The following RRP1B variants were observed in gnomAD, a reference collection of about 807,000 sequenced individuals.
RRP1B encodes the protein ribosomal RNA processing 1B.
Under a neutral mutation model 80.2 loss-of-function variants are expected in RRP1B, and 56 were observed. The ratio of observed to expected loss-of-function variants is 0.70; its 90% CI spans 0.56 to 0.87. The LOEUF is 0.87. Ranked by LOEUF, RRP1B falls within the 40% of genes least tolerant of loss-of-function variation. The pLI, the probability that RRP1B is intolerant of heterozygous loss-of-function variation, is 0.00. For synonymous variants in RRP1B, 351 were observed against 357.6 expected (o/e 0.98, Z 0.21); for missense variants, 807 against 939.8 (o/e 0.86, Z 1.85).
At chr21:43,683,252 A>G (rs778658142) in intron 8 of RRP1B, 27 bp from the exon 9 acceptor site, 5 of 1,560,978 alleles carry the variant, frequency 3.2e-6, no homozygotes, top group Non-Finnish European at 4.4e-6. Context: ...TATGTCAATA[A>G]TTTGGTCTTT....
At chr21:43,684,523 G>C in intron 9 of RRP1B, 30 bp from the exon 10 acceptor site, 1 of 1,595,296 alleles carries the variant, frequency 6.3e-7, no homozygotes, top group Non-Finnish European at 8.6e-7. Flanking sequence ...TTTGGCTGCA[G>C]ACTTATGTTT....
Position 43,687,018 on chromosome 21 carries a change from C to T in RRP1B, c.1141+83C>T, listed in dbSNP as rs2083065805. On this transcript the variant is annotated intron_variant, in intron 12 of 15. Coordinates refer to ENST00000340648, the MANE Select transcript of RRP1B (RefSeq NM_015056.3). The stretch of plus-strand genomic sequence containing the variant: ...CATGGAGGCCTCGGAGACTTGAGCT[C>T]GTGCCGTCATAAAGCATTAGCAGAG... The T allele has an allele frequency of 6.9e-6, 10 of 1,450,234 alleles. No homozygotes were observed. In the South Asian group the frequency reaches 8.5e-5, roughly 12 times the overall value. 89.8% of individuals were successfully genotyped at this position (1,450,234 alleles called of 1,614,324 possible). A position where few individuals can be genotyped will look rare whatever the true frequency, so the allele number is the denominator to read the frequency against.
In RRP1B at chr21:43,694,706, GT is replaced by G; in HGVS notation, c.*1328del. Reference sequence around the variant, plus strand: ...TTATGCCCCCCATACAGGAGCCTCGGTTTTTCAGCAAAACGCGGCCAGTCCC... The same window carrying G: ...TTATGCCCCCCATACAGGAGCCTCGGTTTTCAGCAAAACGCGGCCAGTCCC... On this transcript the variant is annotated 3_prime_UTR_variant, in exon 16 of 16. Transcript: ENST00000340648. The G allele has an allele frequency of 6.6e-6, 1 of 152,440 alleles. No individual in the cohort carries two copies. The highest frequency in any genetic ancestry group is 1.5e-5 in the Non-Finnish European group (1 of 68,112). 9.4% of individuals were successfully genotyped at this position (152,440 alleles called of 1,614,324 possible).
intron 2 of RRP1B, 68 bp from the exon 3 acceptor site, chr21:43,672,240 C>T: frequency 7.1e-7 from 1 of 1,403,852 alleles, no homozygotes; most frequent in Non-Finnish European, 1.0e-6. Flanking sequence ...AGGAAGCAGG[C>T]CGCGGCACAG....
intron 1 of RRP1B, among the ~76,000 whole-genome samples, chr21:43,662,143 T>C (rs2082960183): frequency 2.0e-5 from 3 of 152,354 alleles, no homozygotes; most frequent in South Asian, 4.1e-4. Context: ...CCAGAGGCAA[T>C]ACTTACGGTG....
At chr21:43,666,541 AC>A (rs1370997628) in intron 1 of RRP1B, among the ~76,000 whole-genome samples, 1 of 152,100 alleles carries the variant, frequency 6.6e-6, no homozygotes, top group African/African-American at 2.4e-5. Flanking sequence ...ACATGGCGAA[AC>A]CCCGTCTCTA....
At position 43,688,077 on chromosome 21, in the gene RRP1B, G is replaced by A. The variant is rs1367966278; in HGVS notation, c.1703G>A (p.Arg568Lys). 6.2e-7 allele frequency: 1 copy of A among 1,611,718 alleles called. No individual in the cohort carries two copies. The highest frequency in any genetic ancestry group is 1.3e-5 in the African/African-American group (1 of 74,922). ...ANSHTTLPQR[R>K]RLQKKKAGPG... ...AGCCACACCACGCTGCCCCAGCGCAGGAGGCTGCAGAAAAAGAAGGCAGGG... is the reference window on the plus strand; with the variant it reads ...AGCCACACCACGCTGCCCCAGCGCAAGAGGCTGCAGAAAAAGAAGGCAGGG... The change falls in exon 13 of 16, where the codon AGG (arginine) becomes AAG (lysine). Residue 568 changes from arginine to lysine, a missense_variant. Transcript: ENST00000340648.
Position 43,676,890 on chromosome 21 carries a change from A to G in RRP1B, c.772A>G (p.Arg258Gly), listed in dbSNP as rs779110819. 5.6e-6 allele frequency: 9 copies of G among 1,614,122 alleles called. No homozygotes were observed. In the Admixed American group the frequency reaches 1.5e-4, roughly 27 times the overall value. The change falls in exon 8 of 16, where the codon AGA becomes GGA. Residue 258 changes from arginine (R) to glycine (G), a missense_variant. Physicochemically the swap from Arg to Gly is moderately radical, Grantham distance 125 (BLOSUM62 -2). Coordinates refer to ENST00000340648, the MANE Select transcript of RRP1B (RefSeq NM_015056.3). ...EIPENEVSLR[R>G]AVSKKKTALG... is the part of the protein sequence containing the mutation. ...ACCTGAAAATGAGGTATCCTTGAGA[A>G]GAGCTGTCAGTAAAAAGAAGACAGG...
chr21:43,687,863 A>C lies in RRP1B; in HGVS notation c.1489A>C (p.Met497Leu). The C allele has an allele frequency of 9.9e-6, 16 of 1,613,352 alleles. No homozygotes were observed. Among genetic ancestry groups the C allele is most frequent in the Non-Finnish European group, 1.4e-5 (16 of 1,180,034 alleles). Residue 497 changes from methionine (M) to leucine (L), a missense_variant, in exon 13 of 16, where the codon ATG becomes CTG. By Grantham distance (15) the Met-to-Leu change is conservative. Coordinates refer to ENST00000340648, the MANE Select transcript of RRP1B (RefSeq NM_015056.3). ...LESAVLPPEDMSQSGPSGSHP... is the reference protein window; with the variant it reads ...LESAVLPPEDLSQSGPSGSHP... ...ATCAGCAGTGTTGCCCCCAGAGGACATGTCTCAGAGTGGCCCGAGTGGCAG... is the reference window on the plus strand; with the variant it reads ...ATCAGCAGTGTTGCCCCCAGAGGACCTGTCTCAGAGTGGCCCGAGTGGCAG...
intron 6 of RRP1B, among the ~76,000 whole-genome samples, chr21:43,675,847 T>TTATTC (rs1199321321): frequency 1.8e-5 from 2 of 113,732 alleles, no homozygotes; most frequent in Admixed American, 8.2e-5. Context: ...ATTTTGCATT[T>TTATTC]TATTTTATTT....
intron 12 of RRP1B, 118 bp from the exon 13 acceptor site, chr21:43,687,398 T>C (rs2083067393): frequency 2.4e-6 from 3 of 1,236,954 alleles, no homozygotes; most frequent in Middle Eastern, 2.4e-4. Context: ...AGACAGGAAC[T>C]TTCCTCGTGG....
Position 43,693,150 on chromosome 21 carries a change from G to C in RRP1B, c.2084-40G>C. 1 of 1,607,174 alleles carries C rather than the reference G, an allele frequency of 6.2e-7. No individual in the cohort carries two copies. The highest frequency in any genetic ancestry group is 8.5e-7 in the Non-Finnish European group (1 of 1,175,540). On this transcript the variant is annotated intron_variant, in intron 15 of 15. Transcript: ENST00000340648. The surrounding 1 kb of genome is among the most constrained non-coding windows in gnomAD (Gnocchi z 4.1). ...CTAAGGTGTTGAAGGGACAGCTGTCGGACCCACTTAATATGGGGCCTTGCT... is the reference window on the plus strand; with the variant it reads ...CTAAGGTGTTGAAGGGACAGCTGTCCGACCCACTTAATATGGGGCCTTGCT...
At chr21:43,675,521 G>C (rs1420961719) in intron 6 of RRP1B, among the ~76,000 whole-genome samples, 2 of 152,232 alleles carry the variant, frequency 1.3e-5, no homozygotes. Flanking sequence ...CAAAAGGCTG[G>C]AAAGGAAACA....
chr21:43,688,286 C>T, intron 13 of RRP1B, 46 bp downstream of exon 13: 1 of 1,481,182 alleles, frequency 6.8e-7, no homozygotes, highest in African/African-American at 1.4e-5. Context: ...GAGGCACTCA[C>T]TCGCGTCCAT....
Position 43,672,316 on chromosome 21 carries a change from C to T in RRP1B, c.222C>T (p.Leu74=), listed in dbSNP as rs142807935. 134 of 1,613,980 alleles carry T rather than the reference C, an allele frequency of 8.3e-5. No individual in the cohort carries two copies. In the African/African-American group the frequency reaches 1.3e-3, roughly 16 times the overall value. ...VQDEPLLQEE[L]ANTIAQLVHA... ...CAACCCCGCCTCTGCAGGAAGAGCTCGCCAACACCATTGCACAGCTAGTCC... is the reference window on the plus strand; with the variant it reads ...CAACCCCGCCTCTGCAGGAAGAGCTTGCCAACACCATTGCACAGCTAGTCC... Residue 74 remains leucine (L), a synonymous_variant, in exon 3 of 16, where the codon CTC becomes CTT. Coordinates refer to ENST00000340648, the MANE Select transcript of RRP1B (RefSeq NM_015056.3).
At chr21:43,666,298 C>T (rs974435531) in intron 1 of RRP1B, among the ~76,000 whole-genome samples, 10 of 152,240 alleles carry the variant, frequency 6.6e-5, no homozygotes, top group Non-Finnish European at 1.5e-4. Context: ...CACCTTGTAA[C>T]ACAGGTGGAG....
intron 9 of RRP1B, among the ~76,000 whole-genome samples, chr21:43,683,669 G>A (rs1197158821): frequency 6.6e-6 from 1 of 152,138 alleles, no homozygotes; most frequent in Non-Finnish European, 1.5e-5. Flanking sequence ...AGTTTGCCAA[G>A]TACAGATTGC....
At position 43,690,364 on chromosome 21, in the gene RRP1B, C is replaced by A. The variant is rs771828522; in HGVS notation, c.1943C>A (p.Pro648His). 5.0e-6 allele frequency: 8 copies of A among 1,614,092 alleles called. No individual in the cohort carries two copies. The Admixed American group carries it at 5.0e-5, about 10-fold the overall frequency. ...AESDFVKFDT[P>H]FLPKPLFFRR... The stretch of plus-strand genomic sequence containing the variant: ...AGCGACTTTGTGAAGTTTGACACCC[C>A]CTTCTTACCAAAGCCCCTGTTCTTC... Residue 648 changes from proline (P) to histidine (H), a missense_variant, in exon 14 of 16, where the codon CCC (proline) becomes CAC (histidine). Pro to His is a moderately conservative substitution (Grantham distance 77). Transcript: ENST00000340648.
chr21:43,666,823 T>C (rs1005765717), intron 1 of RRP1B, among the ~76,000 whole-genome samples: 2 of 152,224 alleles, frequency 1.3e-5, no homozygotes, highest in African/African-American at 4.8e-5. Context: ...CCCACTGCAT[T>C]TGGTTAATAT....
Sources: gnomAD v4.1 joint callset for allele counts (sites outside exome capture counted in the v4.1 genomes callset) on GRCh38, gnomAD v4.1.1 for gene constraint, Gnocchi (gnomAD v3.1) non-coding constraint, MANE v1.5 for transcripts, NCBI Gene and HGNC (gene_info 2026-07-23, HGNC 2026-07-21) for gene names.